IQCM: variants seen among roughly 807,000 people sequenced by gnomAD.
The protein encoded by IQCM is IQ domain-containing protein M.
IQCM carries 45 observed loss-of-function variants against 57.6 expected under a neutral mutation model. The observed-to-expected ratio is 0.78, with a 90% CI of 0.62 to 1.00. The LOEUF (loss-of-function observed/expected upper bound fraction) is 1.00, where lower values mean the gene tolerates loss of function less well. Ranked by LOEUF, IQCM falls within the 50% of genes least tolerant of loss-of-function variation. The pLI is 0.00. For missense variants in IQCM, 468 were observed against 511.6 expected, an observed-to-expected ratio of 0.91 and a Z score of 0.82; for synonymous variants, 148 against 158.9, an observed-to-expected ratio of 0.93 and a Z score of 0.51.
At chr4:149,679,054 G>T (rs1378773332) in intron 7 of IQCM, among the ~76,000 whole-genome samples, 2 of 151,676 alleles carry the variant, frequency 1.3e-5, no homozygotes, top group East Asian at 1.9e-4. Context: ...AAAAGGAAAT[G>T]AATGTATCAA....
chr4:149,627,209 A>G (rs542077439), intron 7 of IQCM, among the ~76,000 whole-genome samples: 1 of 152,296 alleles, frequency 6.6e-6, no homozygotes, highest in East Asian at 1.9e-4. Context: ...GCTGAAAATA[A>G]TAAGAATGAA....
In IQCM at chr4:149,735,429, A is replaced by AG. The variant is rs1766844701; in HGVS notation, c.66dup (p.Phe23LeufsTer14). 3.3e-6 allele frequency: 4 copies of AG among 1,227,294 alleles called. No individual in the cohort carries two copies. The highest frequency in any genetic ancestry group is 4.1e-6 in the Non-Finnish European group (4 of 983,850). 76.0% of individuals were successfully genotyped at this position (1,227,294 alleles called of 1,614,324 possible). A position where few individuals can be genotyped will look rare whatever the true frequency, so the allele number is the denominator to read the frequency against. On this transcript the variant is annotated frameshift_variant, in exon 4 of 14. Coordinates refer to ENST00000636793, the MANE Select transcript of IQCM (RefSeq NM_001363507.2). LOFTEE classifies it high-confidence loss of function. ...ATGAGAGTTTTTGCTTCTTGAAAAA[A>AG]GTCTTGCTTGGTGATCTCTAATGTA...
At chr4:149,453,759 A>G (rs1737379943) in intron 12 of IQCM, among the ~76,000 whole-genome samples, 1 of 151,884 alleles carries the variant, frequency 6.6e-6, no homozygotes, top group Non-Finnish European at 1.5e-5. Flanking sequence ...ACTCTCATAT[A>G]TTGTTCGTGA....
intron 8 of IQCM, among the ~76,000 whole-genome samples, chr4:149,601,926 C>T (rs1228335624): frequency 2.7e-5 from 4 of 150,860 alleles, no homozygotes; most frequent in South Asian, 2.1e-4. Flanking sequence ...TGGTGGCTGT[C>T]GCCTGTAGTC....
intron 12 of IQCM, among the ~76,000 whole-genome samples, chr4:149,543,976 C>T (rs1408333769): frequency 6.6e-6 from 1 of 151,920 alleles, no homozygotes; most frequent in African/African-American, 2.4e-5. Flanking sequence ...AAACAAAGTC[C>T]ATAGGTAAAG....
chr4:149,747,783 T>C lies in IQCM; in HGVS notation c.-48-5044A>G, dbSNP rs776475842. On this transcript the variant is annotated intron_variant, in intron 2 of 13. Coordinates refer to ENST00000636793, the MANE Select transcript of IQCM (RefSeq NM_001363507.2). ...GAACAGTGGCAAGCCCATGAAATCA[T>C]ACTCCTTTCCTGATGCAGAAACCTT... 2.9e-4 allele frequency among the ~76,000 whole-genome samples: 44 copies of C among 152,224 alleles called. 1 individual carries two copies. Among genetic ancestry groups the C allele is most frequent in the Non-Finnish European group, 4.6e-4 (31 of 68,036 alleles).
chr4:149,784,777 T>TCATTAG (rs1421421596), intron 2 of IQCM, among the ~76,000 whole-genome samples: 9 of 152,346 alleles, frequency 5.9e-5, no homozygotes, highest in African/African-American at 2.2e-4. Context: ...CTGTATTGTC[T>TCATTAG]CATTAGCACT....
chr4:149,482,471 G>A (rs1741013165), intron 12 of IQCM, among the ~76,000 whole-genome samples: 1 of 151,806 alleles, frequency 6.6e-6, no homozygotes, highest in Non-Finnish European at 1.5e-5. Context: ...CCAATTATTG[G>A]AGGTTTTTTA....
At chr4:149,658,396 G>A (rs1310316717) in intron 7 of IQCM, among the ~76,000 whole-genome samples, 1 of 151,800 alleles carries the variant, frequency 6.6e-6, no homozygotes, top group Non-Finnish European at 1.5e-5. Flanking sequence ...TGCTGTTTTG[G>A]TTACTAAAGC....
rs71596216 is a variant in IQCM, at chr4:149,633,167, CAAAA to C, written c.566-11927_566-11924del. Among the ~76,000 whole-genome samples the C allele has an allele frequency of 5.2e-4, 12 of 22,938 alleles. No individual in the cohort carries two copies. In the South Asian group the frequency reaches 0.023, roughly 44 times the overall value. 15.0% of individuals were successfully genotyped at this position (22,938 alleles called of 152,430 possible). A position where few individuals can be genotyped will look rare whatever the true frequency, so the allele number is the denominator to read the frequency against. ...TGGGCGACAGAGCGAGACTCCGTCT[CAAAA>C]AAAAAAAAAAAAAAAAAAAAAGCAA... On this transcript the variant is annotated intron_variant, in intron 7 of 13. Coordinates refer to ENST00000636793, the MANE Select transcript of IQCM (RefSeq NM_001363507.2).
chr4:149,440,628 C>T (rs568847669), intron 12 of IQCM, among the ~76,000 whole-genome samples: 2 of 152,154 alleles, frequency 1.3e-5, no homozygotes, highest in East Asian at 3.9e-4. Context: ...TGTGCTTAAG[C>T]CTCTTTCTAG....
chr4:149,792,620 A>C (rs1772742627), intron 2 of IQCM, among the ~76,000 whole-genome samples: 1 of 152,172 alleles, frequency 6.6e-6, no homozygotes, highest in South Asian at 2.1e-4. Context: ...AAACAATAGA[A>C]AAATTTAACA....
chr4:149,613,079 T>C (rs149105933), intron 8 of IQCM, among the ~76,000 whole-genome samples: 1 of 152,190 alleles, frequency 6.6e-6, no homozygotes, highest in African/African-American at 2.4e-5. Flanking sequence ...GTAGTTCTGA[T>C]GATTTGTGCT....
rs1560845314 is a variant in IQCM, at chr4:149,443,751, A to AAGGAAAGGAAAGGAAAGGAG, written c.1229-10195_1229-10194insCTCCTTTCCTTTCCTTTCCT. On this transcript the variant is annotated intron_variant, in intron 12 of 13. Coordinates refer to ENST00000636793, the MANE Select transcript of IQCM (RefSeq NM_001363507.2). ...AAGGAAAGGAAAGGAAAGGAAAGGA[A>AAGGAAAGGAAAGGAAAGGAG]GAAAACTGGCAAGCCTTCAACCCAT... Among the ~76,000 whole-genome samples the AAGGAAAGGAAAGGAAAGGAG allele has an allele frequency of 7.7e-4, 116 of 150,812 alleles. 2 individuals carry two copies. Among genetic ancestry groups the AAGGAAAGGAAAGGAAAGGAG allele is most frequent in the African/African-American group, 2.7e-3 (111 of 41,068 alleles).
intron 13 of IQCM, among the ~76,000 whole-genome samples, chr4:149,401,170 A>C (rs1233389916): frequency 6.6e-6 from 1 of 151,790 alleles, no homozygotes; most frequent in African/African-American, 2.4e-5. Flanking sequence ...AAGTCCCCCC[A>C]AAAAGATAAT....
chr4:149,586,314 A>G (rs890581085), intron 9 of IQCM, among the ~76,000 whole-genome samples: 15 of 151,750 alleles, frequency 9.9e-5, no homozygotes, highest in African/African-American at 2.7e-4. Context: ...CAGATTTTCT[A>G]TTTCTTCTTG....
rs146359655 is a variant in IQCM, at chr4:149,718,126, T to C, written c.385+15118A>G. On this transcript the variant is annotated intron_variant, in intron 5 of 13. Transcript: ENST00000636793. The stretch of plus-strand genomic sequence containing the variant: ...GGGTAAGTTTAATCCTGGGAGAGGA[T>C]CAACAAACCATGGAATCACTTATTT... 6.6e-3 allele frequency among the ~76,000 whole-genome samples: 1,011 copies of C among 152,240 alleles called. 39 individuals carry two copies. The highest frequency in any genetic ancestry group is 0.061 in the Admixed American group (927 of 15,276).
chr4:149,644,140 C>G lies in IQCM; in HGVS notation c.566-22896G>C, dbSNP rs925241781. Among the ~76,000 whole-genome samples, 10 of 152,246 alleles carry G rather than the reference C, an allele frequency of 6.6e-5. No homozygotes were observed. In the South Asian group the frequency reaches 2.1e-3, roughly 32 times the overall value. ...CAAAGCGTCTAGCAAAATAGATGCTCAGCATCTCCTTTTCTAGTAAATTAG... is the reference window on the plus strand; with the variant it reads ...CAAAGCGTCTAGCAAAATAGATGCTGAGCATCTCCTTTTCTAGTAAATTAG... On this transcript the variant is annotated intron_variant, in intron 7 of 13. Coordinates refer to ENST00000636793, the MANE Select transcript of IQCM (RefSeq NM_001363507.2).
chr4:149,513,301 G>A (rs1434406140), intron 12 of IQCM, among the ~76,000 whole-genome samples: 1 of 152,096 alleles, frequency 6.6e-6, no homozygotes, highest in African/African-American at 2.4e-5. Flanking sequence ...CCTATTTATA[G>A]TGCCCAAGTC....
Sources: gnomAD v4.1 joint callset for allele counts (sites outside exome capture counted in the v4.1 genomes callset) on GRCh38, gnomAD v4.1.1 for gene constraint, MANE v1.5 for transcripts, NCBI Gene and HGNC (gene_info 2026-07-23, HGNC 2026-07-21) for gene names.